The following NOS1AP variants were observed in gnomAD, a reference collection of about 807,000 sequenced individuals.
NOS1AP encodes nitric oxide synthase 1 adaptor protein.
A neutral mutation model predicts 56.2 loss-of-function variants in NOS1AP; 21 were observed. The ratio of observed to expected loss-of-function variants is 0.37; its 90% CI spans 0.26 to 0.54. NOS1AP has a LOEUF of 0.54. NOS1AP is among the 20% of genes least tolerant of loss of function. The pLI is 0.84. For synonymous variants in NOS1AP, 270 were observed against 274.6 expected, an observed-to-expected ratio of 0.98 and a Z score of 0.17; for missense variants, 522 against 657.8, an observed-to-expected ratio of 0.79 and a Z score of 2.26.
At chr1:162,152,875 T>C (rs913071470) in intron 1 of NOS1AP, among the ~76,000 whole-genome samples, 3 of 152,186 alleles carry the variant, frequency 2.0e-5, no homozygotes, top group Admixed American at 2.0e-4. Context: ...CGCAGTCTTA[T>C]CTTCACTCTT....
chr1:162,169,102 T>C lies in NOS1AP; in HGVS notation c.177+14626T>C, dbSNP rs369663394. Among the ~76,000 whole-genome samples the C allele has an allele frequency of 2.5e-4, 38 of 152,338 alleles. No individual in the cohort carries two copies. The East Asian group carries it at 5.6e-3, about 22-fold the overall frequency. On this transcript the variant is annotated intron_variant, in intron 2 of 9. Coordinates refer to ENST00000361897, the MANE Select transcript of NOS1AP (RefSeq NM_014697.3). ...TGATGGGATTCTAACTGCCTAACAG[T>C]TCCATTTCCAGATGAGCGCCCTCCG...
intron 3 of NOS1AP, among the ~76,000 whole-genome samples, chr1:162,298,136 C>T (rs970749192): frequency 1.3e-5 from 2 of 152,216 alleles, no homozygotes; most frequent in Non-Finnish European, 2.9e-5. Context: ...CCCAGGCCCC[C>T]GTGGCTGAGC....
intron 2 of NOS1AP, among the ~76,000 whole-genome samples, chr1:162,265,652 T>C (rs922119184): frequency 6.6e-6 from 1 of 152,164 alleles, no homozygotes; most frequent in Non-Finnish European, 1.5e-5. Flanking sequence ...GTATATCTCA[T>C]AAATCTGAGT....
chr1:162,314,960 T>A (rs765862738), intron 4 of NOS1AP, among the ~76,000 whole-genome samples: 3 of 152,262 alleles, frequency 2.0e-5, no homozygotes, highest in Non-Finnish European at 2.9e-5. Context: ...AATGTTTGAA[T>A]GCTTAATAAA....
intron 5 of NOS1AP, among the ~76,000 whole-genome samples, chr1:162,333,469 T>G (rs912725683): frequency 6.6e-6 from 1 of 152,164 alleles, no homozygotes. Flanking sequence ...TGTATATTGA[T>G]TAGGGGGCTA....
At chr1:162,220,151 C>G (rs908564665) in intron 2 of NOS1AP, among the ~76,000 whole-genome samples, 1 of 152,146 alleles carries the variant, frequency 6.6e-6, no homozygotes, top group East Asian at 1.9e-4. Context: ...AGGCTGGCCT[C>G]GAGCTCCTGG....
intron 2 of NOS1AP, among the ~76,000 whole-genome samples, chr1:162,272,934 C>T (rs1029599696): frequency 2.0e-5 from 3 of 152,088 alleles, no homozygotes; most frequent in Non-Finnish European, 4.4e-5. Context: ...TAATAACCTC[C>T]CATAGGGATT....
At chr1:162,084,684 TTTC>T (rs1270059786) in intron 1 of NOS1AP, among the ~76,000 whole-genome samples, 1 of 152,056 alleles carries the variant, frequency 6.6e-6, no homozygotes, top group Non-Finnish European at 1.5e-5. Context: ...CTCTTCTCTT[TTTC>T]TTCTTTTTTG....
At chr1:162,246,276 C>A (rs1219829974) in intron 2 of NOS1AP, among the ~76,000 whole-genome samples, 4 of 152,110 alleles carry the variant, frequency 2.6e-5, no homozygotes, top group Admixed American at 1.3e-4. Flanking sequence ...ATGGCCCAGT[C>A]CTGTCTTTAA....
chr1:162,255,490 A>ATTTTTTTTTTTTTTTTTTTT lies in NOS1AP; in HGVS notation c.178-31838_178-31819dup, dbSNP rs35637289. 5.6e-4 allele frequency among the ~76,000 whole-genome samples: 34 copies of ATTTTTTTTTTTTTTTTTTTT among 60,990 alleles called. 3 individuals carry two copies. Among genetic ancestry groups the ATTTTTTTTTTTTTTTTTTTT allele is most frequent in the South Asian group, 1.8e-3 (3 of 1,702 alleles). 40.0% of individuals were successfully genotyped at this position (60,990 alleles called of 152,430 possible). On this transcript the variant is annotated intron_variant, in intron 2 of 9. Transcript: ENST00000361897. ...ATGCATAGGTTATTTGCTGCTGCTG[A>ATTTTTTTTTTTTTTTTTTTT]TTTTTTTTTTTTTTTTTTTTTTTTT...
intron 2 of NOS1AP, among the ~76,000 whole-genome samples, chr1:162,174,064 T>TA (rs1650938945): frequency 6.6e-6 from 1 of 152,188 alleles, no homozygotes; most frequent in Non-Finnish European, 1.5e-5. Flanking sequence ...ACTGGGTATA[T>TA]ACCCAAAGGA....
intron 4 of NOS1AP, among the ~76,000 whole-genome samples, chr1:162,329,459 C>T (rs1249803652): frequency 6.6e-6 from 1 of 152,028 alleles, no homozygotes. Flanking sequence ...ATATGAACTA[C>T]TTTGGTATCC....
At chr1:162,221,414 A>T (rs1194164833) in intron 2 of NOS1AP, among the ~76,000 whole-genome samples, 1 of 152,098 alleles carries the variant, frequency 6.6e-6, no homozygotes, top group Non-Finnish European at 1.5e-5. Context: ...AGAAGAAAAA[A>T]ATCCAAATTG....
chr1:162,197,652 G>A (rs1211713880), intron 2 of NOS1AP, among the ~76,000 whole-genome samples: 1 of 152,184 alleles, frequency 6.6e-6, no homozygotes, highest in African/African-American at 2.4e-5. Context: ...CCCTTTTCAG[G>A]CTCAGGAGAG....
intron 1 of NOS1AP, among the ~76,000 whole-genome samples, chr1:162,105,443 C>T (rs966992515): frequency 4.6e-5 from 7 of 152,194 alleles, no homozygotes; most frequent in African/African-American, 1.7e-4. Flanking sequence ...AGGTATGCTG[C>T]ATTAGGGGGG....
chr1:162,215,435 C>T (rs774490800), intron 2 of NOS1AP, among the ~76,000 whole-genome samples: 26 of 152,180 alleles, frequency 1.7e-4, no homozygotes, highest in African/African-American at 3.6e-4. Context: ...ACTTGCATTG[C>T]GGGGCTAGGC....
chr1:162,240,836 C>T (rs1653468224), intron 2 of NOS1AP, among the ~76,000 whole-genome samples: 1 of 152,172 alleles, frequency 6.6e-6, no homozygotes, highest in Non-Finnish European at 1.5e-5. Flanking sequence ...CAATTATGGC[C>T]CTGCCCTTGC....
chr1:162,273,160 CTTTTTTTTT>C (rs11429407), intron 2 of NOS1AP, among the ~76,000 whole-genome samples: 2 of 106,222 alleles, frequency 1.9e-5, no homozygotes, highest in Non-Finnish European at 3.5e-5. Flanking sequence ...AGCCCTTGTT[CTTTTTTTTT>C]TTTTTTTTTT....
At chr1:162,175,609 C>T (rs550692866) in intron 2 of NOS1AP, among the ~76,000 whole-genome samples, 3 of 151,794 alleles carry the variant, frequency 2.0e-5, no homozygotes, top group South Asian at 4.2e-4. Flanking sequence ...ATAGCAGGAT[C>T]GGAGGTGTGG....
Sources: allele counts gnomAD v4.1 joint callset (sites outside exome capture counted in the v4.1 genomes callset), GRCh38; gene constraint gnomAD v4.1.1; transcripts MANE v1.5; gene names NCBI Gene and HGNC (gene_info 2026-07-23, HGNC 2026-07-21).